The following TRIM37 variants were observed in gnomAD, a reference collection of about 807,000 sequenced individuals.
The protein encoded by TRIM37 is E3 ubiquitin-protein ligase TRIM37.
TRIM37 carries 80 observed loss-of-function variants against 129.8 expected under a neutral mutation model. That is an observed-to-expected ratio of 0.62 (90% CI 0.51 to 0.74). The LOEUF (loss-of-function observed/expected upper bound fraction) is 0.74. Ranked by LOEUF, TRIM37 falls within the 30% of genes least tolerant of loss-of-function variation. The probability of loss-of-function intolerance (pLI) is 0.00; values close to 1 mark genes in which losing one functional copy is unlikely to be tolerated. For synonymous variants in TRIM37, 389 were observed against 387.1 expected, an observed-to-expected ratio of 1.00 and a Z score of -0.06; for missense variants, 1,054 against 1,176.5, an observed-to-expected ratio of 0.90 and a Z score of 1.52.
chr17:59,038,397 TAA>T (rs2038789901), intron 17 of TRIM37, among the ~76,000 whole-genome samples: 2 of 152,142 alleles, frequency 1.3e-5, no homozygotes, highest in African/African-American at 4.8e-5. Flanking sequence ...GCCAAATACA[TAA>T]ATTTCCCAAA....
At chr17:59,097,859 T>G (rs750986703) in intron 2 of TRIM37, among the ~76,000 whole-genome samples, 2 of 152,236 alleles carry the variant, frequency 1.3e-5, no homozygotes, top group Non-Finnish European at 2.9e-5. Context: ...TTAATATTGT[T>G]AAGACAGCAA....
chr17:59,053,491 G>A (rs1352931529), intron 13 of TRIM37, among the ~76,000 whole-genome samples: 1 of 151,890 alleles, frequency 6.6e-6, no homozygotes, highest in Non-Finnish European at 1.5e-5. Flanking sequence ...AGTTCCCTGT[G>A]GACAAAAACC....
At chr17:59,053,811 A>C (rs1315712582) in intron 13 of TRIM37, among the ~76,000 whole-genome samples, 1 of 152,162 alleles carries the variant, frequency 6.6e-6, no homozygotes. Flanking sequence ...CCCTCAAAAA[A>C]CATGATTCCA....
chr17:59,056,751 G>C (rs1359785092), intron 13 of TRIM37, 124 bp downstream of exon 13: 2 of 110,296 alleles, frequency 1.8e-5, no homozygotes, highest in South Asian at 1.4e-4. Flanking sequence ...AAAAAAAGGT[G>C]ATAAGGTTAT....
chr17:59,104,322 A>G lies in TRIM37; in HGVS notation c.94T>C (p.Ser32Pro), dbSNP rs1325780363. ...ATACAGCTGAAACAACACAGTTTGG[A>G]GCAATGAGGACACAGGCGTGCATCC... ...LRDARLCPHC[S>P]KLCCFSCIRR... Residue 32 changes from serine to proline, a missense_variant, in exon 2 of 24, where the codon TCC becomes CCC. By Grantham distance (74) the Ser-to-Pro change is moderately conservative (BLOSUM62 -1). Transcript: ENST00000262294. The G allele has an allele frequency of 6.2e-7, 1 of 1,614,238 alleles. No individual in the cohort carries two copies. The highest frequency in any genetic ancestry group is 8.5e-7 in the Non-Finnish European group (1 of 1,180,026).
chr17:59,027,533 A>T (rs2037375864), intron 19 of TRIM37, among the ~76,000 whole-genome samples: 1 of 152,146 alleles, frequency 6.6e-6, no homozygotes, highest in Non-Finnish European at 1.5e-5. Flanking sequence ...GACTGTGAAC[A>T]AGCCCCTCTA....
At chr17:59,076,632 A>G (rs2042835738) in intron 7 of TRIM37, among the ~76,000 whole-genome samples, 1 of 152,246 alleles carries the variant, frequency 6.6e-6, no homozygotes, top group South Asian at 2.1e-4. Flanking sequence ...TTTTGAAACA[A>G]AAAGAAGATA....
At chr17:59,007,628 G>A (rs890491565) in intron 22 of TRIM37, among the ~76,000 whole-genome samples, 2 of 149,642 alleles carry the variant, frequency 1.3e-5, no homozygotes, top group African/African-American at 4.9e-5. Context: ...ACCTACAGTT[G>A]TGCAGGTCAT....
chr17:59,070,899 G>C lies in TRIM37; in HGVS notation c.733C>G (p.Leu245Val). Residue 245 changes from leucine (L) to valine (V), a missense_variant, in exon 9 of 24, where the codon CTT (leucine) becomes GTT (valine). Coordinates refer to ENST00000262294, the MANE Select transcript of TRIM37 (RefSeq NM_015294.6). The stretch of plus-strand genomic sequence containing the variant: ...CGATGAACTTGCTGAAACATCATAA[G>C]GATCTCTGAGCTCTTAGATATCAAC... ...SELISKSSEI[L>V]MMFQQVHRKP... 1 of 1,613,980 alleles carries C rather than the reference G, an allele frequency of 6.2e-7. No homozygotes were observed. Among genetic ancestry groups the C allele is most frequent in the South Asian group, 1.1e-5 (1 of 91,078 alleles).
At chr17:59,012,189 A>G (rs900029800) in intron 22 of TRIM37, 139 bp downstream of exon 22, 7 of 614,668 alleles carry the variant, frequency 1.1e-5, no homozygotes, top group Non-Finnish European at 1.1e-5. Flanking sequence ...CATTAAACCA[A>G]CCACTCCCTA....
chr17:58,991,547 T>C (rs555986457), intron 24 of TRIM37, among the ~76,000 whole-genome samples: 5 of 151,986 alleles, frequency 3.3e-5, no homozygotes, highest in African/African-American at 9.7e-5. Flanking sequence ...TTCCAGAAAA[T>C]AGAACACTCA....
intron 2 of TRIM37, among the ~76,000 whole-genome samples, chr17:59,092,421 C>A (rs191069701): frequency 2.7e-5 from 4 of 149,162 alleles, no homozygotes; most frequent in East Asian, 3.9e-4. Flanking sequence ...ACAAAAAAAA[C>A]GGTTTCATAG....
chr17:59,015,630 C>T lies in TRIM37; in HGVS notation c.2556G>A (p.Arg852=), dbSNP rs2035829725. 8.1e-6 allele frequency: 13 copies of T among 1,614,002 alleles called. No homozygotes were observed. The highest frequency in any genetic ancestry group is 1.1e-5 in the Non-Finnish European group (13 of 1,180,024). ...VFSGLPAVEK[R]RKMVTLGANA... ...TTTACCCCAAGGTGACCATTTTCCT[C>T]CTTTTCTCAACCGCAGGCAAGCCAC... is the stretch of plus-strand genomic sequence containing the variant. Residue 852 remains arginine (R), a synonymous_variant, in exon 21 of 24, where the codon AGG becomes AGA. Coordinates refer to ENST00000262294, the MANE Select transcript of TRIM37 (RefSeq NM_015294.6).
intron 20 of TRIM37, 43 bp from the exon 21 acceptor site, chr17:59,015,842 G>A: frequency 6.3e-7 from 1 of 1,589,102 alleles, no homozygotes; most frequent in Non-Finnish European, 8.6e-7. Context: ...AGCTGGGCAT[G>A]GTGGTGTGCG....
chr17:59,099,076 G>A (rs1219638433), intron 2 of TRIM37, among the ~76,000 whole-genome samples: 2 of 152,036 alleles, frequency 1.3e-5, no homozygotes, highest in Non-Finnish European at 1.5e-5. Context: ...CCAGCTACTC[G>A]GGAGGCTGAG....
At chr17:59,005,863 C>T (rs2034416930) in intron 22 of TRIM37, among the ~76,000 whole-genome samples, 1 of 152,098 alleles carries the variant, frequency 6.6e-6, no homozygotes, top group South Asian at 2.1e-4. Context: ...GCAGACAGGG[C>T]CATGAACACA....
the TRIM37 span, among the ~76,000 whole-genome samples, chr17:58,972,640 C>T: frequency 2.1e-4 from 32 of 152,210 alleles, no homozygotes; most frequent in African/African-American, 7.7e-4. Flanking sequence ...CGTGAGCCAC[C>T]GCGCCCGGCC....
Position 59,061,068 on chromosome 17 carries a change from AAC to A in TRIM37, c.981_982del (p.Phe328SerfsTer9). On this transcript the variant is annotated frameshift_variant, in exon 12 of 24. Transcript: ENST00000262294. LOFTEE classifies it high-confidence loss of function. ...AGGCAAGCCAGCTGAGAGCTCCAGA[AAC>A]ACAGATAAGTAGTAACCTCGCACAA... 1 of 1,613,752 alleles carries A rather than the reference AAC, an allele frequency of 6.2e-7. No homozygotes were observed. Among genetic ancestry groups the A allele is most frequent in the Non-Finnish European group, 8.5e-7 (1 of 1,179,746 alleles).
chr17:59,056,873 A>G lies in TRIM37; in HGVS notation c.1199+2T>C. The G allele has an allele frequency of 6.2e-7, 1 of 1,613,566 alleles. No homozygotes were observed. The highest frequency in any genetic ancestry group is 8.5e-7 in the Non-Finnish European group (1 of 1,179,760). On this transcript the variant is annotated splice_donor_variant, in intron 13 of 23. Coordinates refer to ENST00000262294, the MANE Select transcript of TRIM37 (RefSeq NM_015294.6). LOFTEE classifies it high-confidence loss of function. ...ACCACAACATCAAATTTTTCCTGTT[A>G]CCTTAAAATCACTGTATCATTTTGT...
Sources: gnomAD v4.1 joint callset for allele counts (sites outside exome capture counted in the v4.1 genomes callset) on GRCh38, gnomAD v4.1.1 for gene constraint, MANE v1.5 for transcripts, NCBI Gene and HGNC (gene_info 2026-07-23, HGNC 2026-07-21) for gene names.